DACH1: variants seen among roughly 807,000 people sequenced by gnomAD.
DACH1 encodes dachshund homolog 1.
Under a neutral mutation model 54.2 loss-of-function variants are expected in DACH1, and 12 were observed. The ratio of observed to expected loss-of-function variants is 0.22; its 90% CI spans 0.14 to 0.36. DACH1 has a LOEUF of 0.36. Among genes scored for constraint, DACH1 ranks in the 10% least tolerant of loss-of-function variants. The probability of loss-of-function intolerance (pLI) is 1.00; values close to 1 mark genes in which losing one functional copy is unlikely to be tolerated. For missense variants in DACH1, 805 were observed against 929.8 expected (o/e 0.87, Z 1.75); for synonymous variants, 386 against 366.2 (o/e 1.05, Z -0.62).
chr13:71,792,339 T>TACAC (rs140037316), intron 1 of DACH1, among the ~76,000 whole-genome samples: 6,435 of 148,460 alleles, frequency 0.043, 176 homozygotes, highest in African/African-American at 0.076. Flanking sequence ...AAGTGTTTTG[T>TACAC]ACACACACAC....
At chr13:71,728,451 T>C (rs1191184656) in intron 1 of DACH1, among the ~76,000 whole-genome samples, 1 of 151,988 alleles carries the variant, frequency 6.6e-6, no homozygotes, top group Non-Finnish European at 1.5e-5. Context: ...AGGACTATAC[T>C]AGCATAATCA....
chr13:71,671,996 C>T (rs1283348216), intron 2 of DACH1, among the ~76,000 whole-genome samples: 5 of 152,058 alleles, frequency 3.3e-5, no homozygotes, highest in Non-Finnish European at 5.9e-5. Context: ...TAAACATCAC[C>T]ATCATTTCCA....
chr13:71,711,198 CA>C (rs1201169659), intron 1 of DACH1, among the ~76,000 whole-genome samples: 1 of 151,998 alleles, frequency 6.6e-6, no homozygotes, highest in Non-Finnish European at 1.5e-5. Context: ...TCAGAATACA[CA>C]GCAATAAAGA....
At chr13:71,656,921 CAT>C (rs71123235) in intron 2 of DACH1, among the ~76,000 whole-genome samples, 2,825 of 83,408 alleles carry the variant, frequency 0.034, 64 homozygotes, top group African/African-American at 0.057. Context: ...GTTCTTCTTT[CAT>C]ATATATATAT....
intron 6 of DACH1, among the ~76,000 whole-genome samples, chr13:71,555,338 TTCTTA>T (rs1884170246): frequency 6.6e-6 from 1 of 151,910 alleles, no homozygotes; most frequent in Non-Finnish European, 1.5e-5. Flanking sequence ...ATACTAATTT[TTCTTA>T]TCTTTTCTTT....
chr13:71,675,890 T>TC (rs1374283715), intron 2 of DACH1, among the ~76,000 whole-genome samples: 1 of 152,344 alleles, frequency 6.6e-6, no homozygotes, highest in East Asian at 1.9e-4. Flanking sequence ...TTCCATCCAT[T>TC]CACTATACTT....
At chr13:71,805,312 G>A (rs1023691529) in intron 1 of DACH1, among the ~76,000 whole-genome samples, 5 of 152,052 alleles carry the variant, frequency 3.3e-5, no homozygotes, top group Non-Finnish European at 7.4e-5. Context: ...TCTATGAGAC[G>A]CAAACACTCA....
At chr13:71,604,354 A>G (rs768376736) in intron 3 of DACH1, among the ~76,000 whole-genome samples, 18 of 151,976 alleles carry the variant, frequency 1.2e-4, no homozygotes, top group Non-Finnish European at 2.2e-4. Flanking sequence ...CAGATAAATA[A>G]AAACAGACAA....
At chr13:71,829,534 T>C (rs1888506312) in intron 1 of DACH1, among the ~76,000 whole-genome samples, 1 of 151,942 alleles carries the variant, frequency 6.6e-6, no homozygotes, top group Non-Finnish European at 1.5e-5. Context: ...TCCTCAAACC[T>C]AGGCTTTGAC....
chr13:71,825,083 C>T (rs932992165), intron 1 of DACH1, among the ~76,000 whole-genome samples: 8 of 151,840 alleles, frequency 5.3e-5, no homozygotes, highest in African/African-American at 9.7e-5. Flanking sequence ...TTCACACATA[C>T]CAAAATTGAT....
At chr13:71,549,163 A>T (rs1883648115) in intron 6 of DACH1, among the ~76,000 whole-genome samples, 1 of 152,096 alleles carries the variant, frequency 6.6e-6, no homozygotes, top group Non-Finnish European at 1.5e-5. Context: ...ATCCAATCAC[A>T]TCTTAGATGA....
intron 6 of DACH1, among the ~76,000 whole-genome samples, chr13:71,496,314 C>CAAA (rs1555287663): frequency 8.8e-6 from 1 of 114,078 alleles, no homozygotes; most frequent in African/African-American, 3.4e-5. Flanking sequence ...TATACACACA[C>CAAA]AAAAAGATAT....
intron 6 of DACH1, among the ~76,000 whole-genome samples, chr13:71,504,398 T>C (rs1345703984): frequency 1.3e-5 from 2 of 152,222 alleles, no homozygotes; most frequent in Non-Finnish European, 2.9e-5. Flanking sequence ...TGTGTAATAG[T>C]ATGAATGCCT....
intron 1 of DACH1, among the ~76,000 whole-genome samples, chr13:71,746,384 A>G (rs1566475224): frequency 6.6e-6 from 1 of 152,174 alleles, no homozygotes; most frequent in Non-Finnish European, 1.5e-5. Flanking sequence ...GAATACAAAA[A>G]TCAATCACAT....
At chr13:71,816,453 G>T (rs1191131170) in intron 1 of DACH1, among the ~76,000 whole-genome samples, 2 of 151,496 alleles carry the variant, frequency 1.3e-5, no homozygotes, top group Non-Finnish European at 2.9e-5. Context: ...ACACATGCAT[G>T]TGCGTGTTCA....
At chr13:71,800,450 G>A (rs1311343728) in intron 1 of DACH1, among the ~76,000 whole-genome samples, 2 of 152,092 alleles carry the variant, frequency 1.3e-5, no homozygotes, top group East Asian at 1.9e-4. Context: ...TATAAAACAT[G>A]AAAAGCCAAA....
intron 1 of DACH1, among the ~76,000 whole-genome samples, chr13:71,821,285 C>T (rs1888174590): frequency 6.6e-6 from 1 of 152,082 alleles, no homozygotes; most frequent in South Asian, 2.1e-4. Context: ...TATCCACTTC[C>T]ACCCATGATC....
chr13:71,690,495 A>G (rs1881422147), intron 1 of DACH1, among the ~76,000 whole-genome samples: 1 of 152,210 alleles, frequency 6.6e-6, no homozygotes, highest in African/African-American at 2.4e-5. Flanking sequence ...GAATCCCCTA[A>G]AGAACAAATT....
chr13:71,738,780 G>C (rs1884256135), intron 1 of DACH1, among the ~76,000 whole-genome samples: 1 of 107,660 alleles, frequency 9.3e-6, no homozygotes, highest in South Asian at 3.0e-4. Context: ...ACTATCAAAT[G>C]CTCAAGAAAA....
Sources: allele counts gnomAD v4.1 joint callset (sites outside exome capture counted in the v4.1 genomes callset), GRCh38; gene constraint gnomAD v4.1.1; transcripts MANE v1.5; gene names NCBI Gene and HGNC (gene_info 2026-07-23, HGNC 2026-07-21).